UBR4: variants seen among roughly 807,000 people sequenced by gnomAD.
UBR4 encodes ubiquitin protein ligase E3 component n-recognin 4, also known as E3 ubiquitin-protein ligase UBR4.
Under a neutral mutation model 575.6 loss-of-function variants are expected in UBR4, and 124 were observed. The observed-to-expected ratio is 0.22, with a 90% CI of 0.19 to 0.25. UBR4 has a LOEUF of 0.25. Ranked by LOEUF, UBR4 falls within the 10% of genes least tolerant of loss-of-function variation. UBR4 has a pLI of 1.00. For missense variants in UBR4, 4,818 were observed against 6,478.8 expected (o/e 0.74, Z 8.80); for synonymous variants, 2,455 against 2,473.7 (o/e 0.99, Z 0.22).
rs367587979 is a variant in UBR4 at position 19,192,546 on chromosome 1, C to A, written c.1144-6G>T. ...ATCATGTCATAGATTTCGAGCTGTA[C>A]AATATCAAACAGACACAAAAATCTG... On this transcript the variant is annotated splice_region_variant and splice_polypyrimidine_tract_variant and intron_variant, in intron 9 of 105. Transcript: ENST00000375254. 36 of 1,613,960 alleles carry A rather than the reference C, an allele frequency of 2.2e-5. No individual in the cohort carries two copies. In the Admixed American group the frequency reaches 2.8e-4, roughly 13 times the overall value.
At chr1:19,118,270 T>G (rs185340453) in intron 71 of UBR4, 1 of 180,984 alleles carries the variant, frequency 5.5e-6, no homozygotes, top group East Asian at 1.5e-4. Context: ...TTTTAAATTT[T>G]TTTTAAAGAA....
At chr1:19,140,247 T>C (rs1002252109) in intron 58 of UBR4, among the ~76,000 whole-genome samples, 3 of 151,806 alleles carry the variant, frequency 2.0e-5, no homozygotes, top group East Asian at 3.9e-4. Flanking sequence ...AGGGAAAAGA[T>C]TGAAAATAAA....
rs534175391 is a variant in UBR4, at chr1:19,197,530, G to A, written c.893+140C>T. On this transcript the variant is annotated intron_variant, in intron 7 of 105. Coordinates refer to ENST00000375254, the MANE Select transcript of UBR4 (RefSeq NM_020765.3). ...TGTAGTCCCAGCTACTCAGGAGGCT[G>A]AGGTGGGAGAACTGCTTGAACCAGG... 274 of 1,251,690 alleles carry A rather than the reference G, an allele frequency of 2.2e-4. 3 individuals carry two copies. In the South Asian group the frequency reaches 3.6e-3, roughly 17 times the overall value. 77.5% of individuals were successfully genotyped at this position (1,251,690 alleles called of 1,614,324 possible). A position where few individuals can be genotyped will look rare whatever the true frequency, so the allele number is the denominator to read the frequency against.
In UBR4 at chr1:19,095,566, G is replaced by T; in HGVS notation, c.13605C>A (p.Val4535=). 1.2e-6 allele frequency: 2 copies of T among 1,613,980 alleles called. No individual in the cohort carries two copies. Among genetic ancestry groups the T allele is most frequent in the Non-Finnish European group, 1.7e-6 (2 of 1,180,006 alleles). Residue 4535 remains valine, a synonymous_variant, in exon 93 of 106, where the codon GTC becomes GTA. Coordinates refer to ENST00000375254, the MANE Select transcript of UBR4 (RefSeq NM_020765.3). ...LVKLEMNTLN[V]MLGTLNLALV... ...TTACCAGGTTTAGGGTCCCCAGCAT[G>T]ACGTTCAAGGTGTTCATTTCCAGTT... is the stretch of plus-strand genomic sequence containing the variant.
chr1:19,134,391 A>G (rs1178342273), intron 60 of UBR4, among the ~76,000 whole-genome samples: 2 of 152,242 alleles, frequency 1.3e-5, no homozygotes, highest in African/African-American at 4.8e-5. Context: ...TGTGCATACC[A>G]GCCTGGGCAG....
intron 55 of UBR4, among the ~76,000 whole-genome samples, chr1:19,142,062 TGA>T (rs1287866612): frequency 6.6e-6 from 1 of 152,202 alleles, no homozygotes; most frequent in Non-Finnish European, 1.5e-5. Context: ...TCCATAAAGG[TGA>T]GAGATCTAAA....
At chr1:19,078,918 A>G (rs2076223391) in intron 103 of UBR4, 1 of 152,192 alleles carries the variant, frequency 6.6e-6, no homozygotes, top group Non-Finnish European at 1.5e-5. Flanking sequence ...CGGCACAGAC[A>G]GTGAAATATC....
In UBR4 at chr1:19,150,769, C is replaced by A. The variant is rs774634851; in HGVS notation, c.7238G>T (p.Gly2413Val). The change falls in exon 49 of 106, where the codon GGT becomes GTT. Residue 2413 changes from glycine (G) to valine (V), a missense_variant. Gly to Val is a moderately radical substitution (Grantham distance 109). This residue lies in a region of UBR4 where 340 missense variants were observed against 375.4 expected (regional missense o/e 0.91). Transcript: ENST00000375254. ...TTTTACAGCATCTATCATGGTGACA[C>A]CTGCTGGATCCACCGAGGCCCCAAC... ...LFIGASVDPA[G>V]VTMIDAVKIY... 1 of 1,613,988 alleles carries A rather than the reference C, an allele frequency of 6.2e-7. No homozygotes were observed. Among genetic ancestry groups the A allele is most frequent in the Non-Finnish European group, 8.5e-7 (1 of 1,180,006 alleles).
rs886563137 is a variant in UBR4 at position 19,093,627 on chromosome 1, G to A, written c.13938-141C>T. 77 of 930,636 alleles carry A rather than the reference G, an allele frequency of 8.3e-5. No individual in the cohort carries two copies. The highest frequency in any genetic ancestry group is 4.8e-4 in the South Asian group (28 of 58,546). 57.6% of individuals were successfully genotyped at this position (930,636 alleles called of 1,614,324 possible). A position where few individuals can be genotyped will look rare whatever the true frequency, so the allele number is the denominator to read the frequency against. The stretch of plus-strand genomic sequence containing the variant: ...CGTGACACAAAGACCTATCTGCCCC[G>A]GCTCCTGCCACTCTCCCTGTTTACC... On this transcript the variant is annotated intron_variant, in intron 95 of 105. Coordinates refer to ENST00000375254, the MANE Select transcript of UBR4 (RefSeq NM_020765.3). This position sits in a 1 kb window ranked among gnomAD's most constrained non-coding sequence, Gnocchi z 4.8.
At position 19,081,702 on chromosome 1, in the gene UBR4, C is replaced by G. The variant is rs767665546; in HGVS notation, c.15009-129G>C. 1.1e-5 allele frequency: 11 copies of G among 983,550 alleles called. No homozygotes were observed. In the South Asian group the frequency reaches 1.4e-4, roughly 13 times the overall value. 60.9% of individuals were successfully genotyped at this position (983,550 alleles called of 1,614,324 possible). On this transcript the variant is annotated intron_variant, in intron 102 of 105. Coordinates refer to ENST00000375254, the MANE Select transcript of UBR4 (RefSeq NM_020765.3). ...CTGAACGCTTGGATGACTCAACACT[C>G]CCCACCCATCCTTGCCGACTACTCC...
Position 19,153,426 on chromosome 1 carries a change from T to A in UBR4, c.6707A>T (p.Asp2236Val). The A allele has an allele frequency of 6.2e-7, 1 of 1,614,160 alleles. No homozygotes were observed. Among genetic ancestry groups the A allele is most frequent in the Non-Finnish European group, 8.5e-7 (1 of 1,180,018 alleles). The part of the protein sequence containing the change: ...QRTTMILLCE[D>V]GSLRIYMANV... ...GGCCATGTAAATGCGCAGGCTGCCA[T>A]CCTCACACAGCAGAATCATTGTTGT... Residue 2236 changes from aspartate to valine, a missense_variant, in exon 46 of 106, where the codon GAT becomes GTT. By Grantham distance (152) the Asp-to-Val change is radical. This residue lies in a region of UBR4 where 461 missense variants were observed against 606.9 expected (regional missense o/e 0.76). Transcript: ENST00000375254. The surrounding 1 kb of genome is among the most constrained non-coding windows in gnomAD (Gnocchi z 4.1).
At chr1:19,119,772 C>A in intron 69 of UBR4, 71 bp from the exon 70 acceptor site, 1 of 1,529,156 alleles carries the variant, frequency 6.5e-7, no homozygotes, top group Non-Finnish European at 8.9e-7. Context: ...ATCATTGAGG[C>A]TCTGGTACCT....
intron 60 of UBR4, among the ~76,000 whole-genome samples, chr1:19,130,691 G>A (rs2082322064): frequency 6.6e-6 from 1 of 152,190 alleles, no homozygotes; most frequent in African/African-American, 2.4e-5. Flanking sequence ...GCTCAAAGAT[G>A]AACAAGGTAC....
chr1:19,199,789 T>C (rs753538817), intron 2 of UBR4, 35 bp from the exon 3 acceptor site: 3 of 1,573,396 alleles, frequency 1.9e-6, no homozygotes, highest in Non-Finnish European at 2.6e-6. Flanking sequence ...AATTTCAGAC[T>C]GCTCAGCGTT....
chr1:19,183,086 T>C (rs1031938945), intron 17 of UBR4, among the ~76,000 whole-genome samples: 3 of 152,238 alleles, frequency 2.0e-5, no homozygotes, highest in Non-Finnish European at 4.4e-5. Context: ...TGAGAGCATC[T>C]ATCTCCTATA....
In UBR4 at chr1:19,148,636, C is replaced by G. The variant is rs775212450; in HGVS notation, c.7431-10G>C. ...AGAACTCACAACCAGCCTGGGGAGACAGAAAACCTGGCTTGAGTACAACAC... is the reference window on the plus strand; with the variant it reads ...AGAACTCACAACCAGCCTGGGGAGAGAGAAAACCTGGCTTGAGTACAACAC... On this transcript the variant is annotated splice_polypyrimidine_tract_variant and intron_variant, in intron 49 of 105. Coordinates refer to ENST00000375254, the MANE Select transcript of UBR4 (RefSeq NM_020765.3). The G allele has an allele frequency of 3.1e-6, 5 of 1,614,080 alleles. No individual in the cohort carries two copies. The African/African-American group carries it at 6.7e-5, about 22-fold the overall frequency.
At position 19,120,358 on chromosome 1, in the gene UBR4, T is replaced by C; in HGVS notation, c.10142-10A>G. On this transcript the variant is annotated splice_polypyrimidine_tract_variant and intron_variant, in intron 68 of 105. Transcript: ENST00000375254. ...CTGCCAGAGGTCTCACCTGCAAGAT[T>C]AGGACAGGACTAAGGGCTGAAGAGT... 1.2e-6 allele frequency: 2 copies of C among 1,614,058 alleles called. No individual in the cohort carries two copies. The highest frequency in any genetic ancestry group is 1.7e-6 in the Non-Finnish European group (2 of 1,179,926).
rs1251290145 is a variant in UBR4, at chr1:19,077,990, A to G, written c.15310T>C (p.Tyr5104His). 5.6e-6 allele frequency: 9 copies of G among 1,614,138 alleles called. No homozygotes were observed. The East Asian group carries it at 2.0e-4, about 36-fold the overall frequency. ...LLFWALVDLI[Y>H]NMFKKVPTSN... ...AGCCTCCTTACCTTAAACATGTTGT[A>G]AATGAGATCGACGAGGGCCCAAAAG... Residue 5104 changes from tyrosine (Y) to histidine (H), a missense_variant, in exon 104 of 106, where the codon TAC becomes CAC. By Grantham distance (83) the Tyr-to-His change is moderately conservative. Around this residue, in one of 29 missense-constraint regions of UBR4, gnomAD observed 212 missense variants for 221.3 expected, o/e 0.96. Coordinates refer to ENST00000375254, the MANE Select transcript of UBR4 (RefSeq NM_020765.3).
Position 19,110,291 on chromosome 1 carries a change from C to G in UBR4, c.11978-68G>C. 6.2e-7 allele frequency: 1 copy of G among 1,613,038 alleles called. No individual in the cohort carries two copies. Among genetic ancestry groups the G allele is most frequent in the Non-Finnish European group, 8.5e-7 (1 of 1,179,170 alleles). On this transcript the variant is annotated intron_variant, in intron 80 of 105. Coordinates refer to ENST00000375254, the MANE Select transcript of UBR4 (RefSeq NM_020765.3). This position sits in a 1 kb window ranked among gnomAD's most constrained non-coding sequence, Gnocchi z 4.5. ...ACACATCTGCTCTGCAGAGGCCGCCCAAGCATCAGTTTCCCTCCTCCCCTC... is the reference window on the plus strand; with the variant it reads ...ACACATCTGCTCTGCAGAGGCCGCCGAAGCATCAGTTTCCCTCCTCCCCTC...
Sources: allele counts gnomAD v4.1 joint callset (sites outside exome capture counted in the v4.1 genomes callset), GRCh38; gene constraint gnomAD v4.1.1; regional missense constraint gnomAD v4.1.1; non-coding constraint Gnocchi (gnomAD v3.1); transcripts MANE v1.5; gene names NCBI Gene and HGNC (gene_info 2026-07-23, HGNC 2026-07-21).